Variants in SLC31A2 observed in about 807,000 individuals in gnomAD.
SLC31A2 encodes solute carrier family 31 member 2.
SLC31A2 carries 16 observed loss-of-function variants against 14.4 expected under a neutral mutation model. The ratio of observed to expected loss-of-function variants is 1.11; its 90% CI spans 0.75 to 1.69. The LOEUF is 1.69. Ranked by LOEUF, SLC31A2 falls within the 40% of genes most tolerant of loss-of-function variation. The probability of loss-of-function intolerance (pLI) is 0.00; values close to 1 mark genes in which losing one functional copy is unlikely to be tolerated. For synonymous variants in SLC31A2, 56 were observed against 68.7 expected (o/e 0.82, Z 0.91); for missense variants, 140 against 173.9 (o/e 0.81, Z 1.10).
At chr9:113,160,292 G>T (rs1587941809) in intron 2 of SLC31A2, among the ~76,000 whole-genome samples, 1 of 152,132 alleles carries the variant, frequency 6.6e-6, no homozygotes, top group South Asian at 2.1e-4. Context: ...CCCTCCCTGG[G>T]CTTGCCACCT....
Position 113,161,696 on chromosome 9 carries a change from C to T in SLC31A2, c.261C>T (p.His87=). Residue 87 remains histidine, a splice_region_variant and synonymous_variant, in exon 3 of 4, where the codon CAC becomes CAT. Transcript: ENST00000259392. ...CATTCCCTGTTGGCAGAACCCACCA[C>T]AGGTACAGGCAGTGGGTATGGGAAA... is the stretch of plus-strand genomic sequence containing the variant. ...SDSFPVGRTH[H]RWYLCHFGQS... is the part of the protein sequence containing the mutation. 1 of 1,613,858 alleles carries T rather than the reference C, an allele frequency of 6.2e-7. No homozygotes were observed. Among genetic ancestry groups the T allele is most frequent in the Non-Finnish European group, 8.5e-7 (1 of 1,179,834 alleles).
intron 1 of SLC31A2, among the ~76,000 whole-genome samples, chr9:113,154,703 T>G (rs1039725854): frequency 6.6e-6 from 1 of 152,228 alleles, no homozygotes; most frequent in African/African-American, 2.4e-5. Context: ...TGACTCTGCC[T>G]CTGTGGATCC....
At chr9:113,156,770 C>T (rs954944821) in intron 1 of SLC31A2, among the ~76,000 whole-genome samples, 1 of 152,156 alleles carries the variant, frequency 6.6e-6, no homozygotes, top group Non-Finnish European at 1.5e-5. Flanking sequence ...CTGGTGTGGG[C>T]GTCTGAACTC....
At position 113,161,590 on chromosome 9, in the gene SLC31A2, A is replaced by G. The variant is rs770926192; in HGVS notation, c.155A>G (p.Asn52Ser). 2.2e-5 allele frequency: 35 copies of G among 1,613,906 alleles called. No homozygotes were observed. The highest frequency in any genetic ancestry group is 1.3e-4 in the East Asian group (6 of 44,896). ...GIKVGKAKLL[N>S]QVLVNLPTSI... The stretch of plus-strand genomic sequence containing the variant: ...AAGGTTGGCAAAGCCAAGCTGCTCA[A>G]CCAGGTACTGGTGAACCTGCCAACC... The change falls in exon 3 of 4, where the codon AAC becomes AGC. Residue 52 changes from asparagine to serine, a missense_variant. By Grantham distance (46) the Asn-to-Ser change is conservative. Transcript: ENST00000259392.
Position 113,161,605 on chromosome 9 carries a change from A to G in SLC31A2, c.170A>G (p.Asn57Ser). The change falls in exon 3 of 4, where the codon AAC becomes AGC. Residue 57 changes from asparagine to serine, a missense_variant. Asn to Ser is a conservative substitution (Grantham distance 46). Coordinates refer to ENST00000259392, the MANE Select transcript of SLC31A2 (RefSeq NM_001860.3). ...KAKLLNQVLVNLPTSISQQTI... is the reference protein window; with the variant it reads ...KAKLLNQVLVSLPTSISQQTI... ...AAGCTGCTCAACCAGGTACTGGTGA[A>G]CCTGCCAACCTCCATCAGCCAGCAG... 6.2e-7 allele frequency: 1 copy of G among 1,614,032 alleles called. No homozygotes were observed. Among genetic ancestry groups the G allele is most frequent in the Non-Finnish European group, 8.5e-7 (1 of 1,179,898 alleles).
At chr9:113,160,008 C>T (rs930065774) in intron 2 of SLC31A2, among the ~76,000 whole-genome samples, 1 of 152,042 alleles carries the variant, frequency 6.6e-6, no homozygotes, top group African/African-American at 2.4e-5. Flanking sequence ...AACCCCGTCT[C>T]TACTAAAAAT....
At position 113,151,227 on chromosome 9, in the gene SLC31A2, T is replaced by C; in HGVS notation, c.6+147T>C. ...AGCATTGCCAACAGCTGGAACAGGG[T>C]TGGGGGACGCGGCAGGTATAGGTTG... On this transcript the variant is annotated intron_variant, in intron 1 of 3. Coordinates refer to ENST00000259392, the MANE Select transcript of SLC31A2 (RefSeq NM_001860.3). This position sits in a 1 kb window ranked among gnomAD's most constrained non-coding sequence, Gnocchi z 4.2. 1.2e-6 allele frequency: 1 copy of C among 854,636 alleles called. No homozygotes were observed. Among genetic ancestry groups the C allele is most frequent in the South Asian group, 5.9e-5 (1 of 16,840 alleles). The allele number at this position is 854,636 out of a possible 1,614,324, so 52.9% of individuals were successfully genotyped here. A position where few individuals can be genotyped will look rare whatever the true frequency, so the allele number is the denominator to read the frequency against.
Position 113,161,602 on chromosome 9 carries a change from T to C in SLC31A2, c.167T>C (p.Val56Ala), listed in dbSNP as rs574583492. The C allele has an allele frequency of 6.2e-7, 1 of 1,613,944 alleles. No homozygotes were observed. Among genetic ancestry groups the C allele is most frequent in the African/African-American group, 1.3e-5 (1 of 75,036 alleles). ...GCCAAGCTGCTCAACCAGGTACTGG[T>C]GAACCTGCCAACCTCCATCAGCCAG... ...GKAKLLNQVL[V>A]NLPTSISQQT... Residue 56 changes from valine (V) to alanine (A), a missense_variant, in exon 3 of 4, where the codon GTG becomes GCG. Physicochemically the swap from Val to Ala is moderately conservative, Grantham distance 64. Transcript: ENST00000259392.
intron 2 of SLC31A2, 77 bp from the exon 3 acceptor site, chr9:113,161,432 C>A: frequency 7.5e-7 from 1 of 1,331,390 alleles, no homozygotes; most frequent in Non-Finnish European, 1.1e-6. Flanking sequence ...GGAGTGGATT[C>A]CATGAACAGG....
intron 1 of SLC31A2, chr9:113,155,864 G>A (rs11791765): frequency 0.41 from 127,080 of 312,262 alleles, 28,484 homozygotes; most frequent in Non-Finnish European, 0.49. Flanking sequence ...AGCTCCCCTC[G>A]GAGGAAACTG....
intron 3 of SLC31A2, chr9:113,162,368 C>T (rs936760038): frequency 7.0e-5 from 15 of 215,094 alleles, no homozygotes; most frequent in African/African-American, 3.3e-4. Flanking sequence ...CTGATAATGT[C>T]ACCTAAGACC....
At chr9:113,152,350 A>T (rs1441091293) in intron 1 of SLC31A2, 1 of 152,276 alleles carries the variant, frequency 6.6e-6, no homozygotes, top group Non-Finnish European at 1.5e-5. Flanking sequence ...GCTTCTCTCA[A>T]GTCAGGGTGT....
At chr9:113,161,767 C>G (rs751182305) in intron 3 of SLC31A2, 69 bp downstream of exon 3, 24 of 1,525,584 alleles carry the variant, frequency 1.6e-5, no homozygotes, top group African/African-American at 5.5e-5. Flanking sequence ...CTGGCCCAGA[C>G]AGCATTAGCC....
At chr9:113,154,857 T>C (rs1436145225) in intron 1 of SLC31A2, among the ~76,000 whole-genome samples, 1 of 152,242 alleles carries the variant, frequency 6.6e-6, no homozygotes, top group Non-Finnish European at 1.5e-5. Flanking sequence ...GGTCCTTGTT[T>C]GTTTCCTTTA....
intron 1 of SLC31A2, among the ~76,000 whole-genome samples, chr9:113,153,431 C>A (rs1345594062): frequency 6.6e-6 from 1 of 152,076 alleles, no homozygotes; most frequent in Non-Finnish European, 1.5e-5. Context: ...TGACCCCCAA[C>A]AAACACCTGT....
intron 3 of SLC31A2, chr9:113,162,038 C>T (rs1271013606): frequency 5.1e-6 from 2 of 393,458 alleles, no homozygotes; most frequent in Non-Finnish European, 9.5e-6. Context: ...CTCCCATATC[C>T]AGGAGGGGAT....
chr9:113,153,106 G>A (rs1468144851), intron 1 of SLC31A2, among the ~76,000 whole-genome samples: 3 of 145,470 alleles, frequency 2.1e-5, no homozygotes, highest in South Asian at 2.2e-4. Flanking sequence ...TAAACATTTT[G>A]CTGTGTCAAA....
At chr9:113,155,779 GA>G (rs11354304) in intron 1 of SLC31A2, among the ~76,000 whole-genome samples, 124,693 of 151,932 alleles carry the variant, frequency 0.82, 51,260 homozygotes, top group East Asian at 0.91. Flanking sequence ...ACATGTATGG[GA>G]AAAAAAGGCA....
chr9:113,160,171 C>T (rs1829989739), intron 2 of SLC31A2, among the ~76,000 whole-genome samples: 1 of 151,938 alleles, frequency 6.6e-6, no homozygotes. Flanking sequence ...CACTGCACTC[C>T]AGCCTGGGCA....
Sources: allele counts gnomAD v4.1 joint callset (sites outside exome capture counted in the v4.1 genomes callset), GRCh38; gene constraint gnomAD v4.1.1; non-coding constraint Gnocchi (gnomAD v3.1); transcripts MANE v1.5; gene names NCBI Gene and HGNC (gene_info 2026-07-23, HGNC 2026-07-21).